The following GBE1 variants were observed in gnomAD, a reference collection of about 807,000 sequenced individuals.
GBE1 encodes the protein 1,4-alpha-glucan-branching enzyme.
GBE1 carries 70 observed loss-of-function variants against 88.8 expected under a neutral mutation model. The ratio of observed to expected loss-of-function variants is 0.79; its 90% confidence interval spans 0.65 to 0.96. The LOEUF (loss-of-function observed/expected upper bound fraction) is 0.96, where lower values mean the gene tolerates loss of function less well. Ranked by LOEUF, GBE1 falls within the 40% of genes least tolerant of loss-of-function variation. The probability of loss-of-function intolerance (pLI) is 0.00; values close to 1 mark genes in which losing one functional copy is unlikely to be tolerated. For missense variants in GBE1, 872 were observed against 871.0 expected, an observed-to-expected ratio of 1.00 and a Z score of -0.01; for synonymous variants, 284 against 300.1, an observed-to-expected ratio of 0.95 and a Z score of 0.56.
At chr3:81,740,294 T>G (rs1328282615) in intron 1 of GBE1, among the ~76,000 whole-genome samples, 4 of 151,634 alleles carry the variant, frequency 2.6e-5, no homozygotes, top group Admixed American at 2.6e-4. Flanking sequence ...TAATCTATTC[T>G]TTTCCACTTT....
At chr3:81,639,674 C>T (rs923562900) in intron 7 of GBE1, among the ~76,000 whole-genome samples, 1 of 152,126 alleles carries the variant, frequency 6.6e-6, no homozygotes, top group Non-Finnish European at 1.5e-5. Flanking sequence ...GTTCTAAACC[C>T]AGACCATATA....
chr3:81,594,397 C>A (rs930841469), intron 7 of GBE1, among the ~76,000 whole-genome samples: 3 of 151,998 alleles, frequency 2.0e-5, no homozygotes, highest in Middle Eastern at 6.3e-3. Flanking sequence ...AAATCTATTA[C>A]CAGTCCCTGA....
At chr3:81,620,241 G>A (rs1704306526) in intron 7 of GBE1, among the ~76,000 whole-genome samples, 1 of 150,456 alleles carries the variant, frequency 6.6e-6, no homozygotes, top group Non-Finnish European at 1.5e-5. Flanking sequence ...AGAGTGCAGT[G>A]GCACGATCTC....
intron 7 of GBE1, among the ~76,000 whole-genome samples, chr3:81,596,854 A>T (rs1006139407): frequency 6.6e-6 from 1 of 151,982 alleles, no homozygotes; most frequent in Non-Finnish European, 1.5e-5. Flanking sequence ...TAGATCACTG[A>T]ATCTAAGATT....
chr3:81,625,100 A>AG (rs111767127), intron 7 of GBE1, among the ~76,000 whole-genome samples: 3 of 11,434 alleles, frequency 2.6e-4, no homozygotes, highest in African/African-American at 5.0e-4. Context: ...AGGGAGGGGG[A>AG]GGGGGAGGGG....
At chr3:81,610,934 A>T (rs1704173827) in intron 7 of GBE1, among the ~76,000 whole-genome samples, 1 of 152,022 alleles carries the variant, frequency 6.6e-6, no homozygotes, top group South Asian at 2.1e-4. Flanking sequence ...TCATCTAGCG[A>T]CCTTCTTTTG....
Position 81,675,689 on chromosome 3 carries a change from C to T in GBE1, c.314-4736G>A, listed in dbSNP as rs555512482. Among the ~76,000 whole-genome samples the T allele has an allele frequency of 1.8e-4, 28 of 152,152 alleles. 1 individual carries two copies. The highest frequency in any genetic ancestry group is 6.0e-4 in the African/African-American group (25 of 41,540). On this transcript the variant is annotated intron_variant, in intron 2 of 15. Coordinates refer to ENST00000429644, the MANE Select transcript of GBE1 (RefSeq NM_000158.4). The stretch of plus-strand genomic sequence containing the variant: ...TTAACTCATATTCCTGTCTACTCTT[C>T]ATTATCTACCATAACCTAGATATTG...
intron 2 of GBE1, among the ~76,000 whole-genome samples, chr3:81,680,266 G>C (rs1035814083): frequency 1.3e-5 from 2 of 152,112 alleles, no homozygotes; most frequent in Non-Finnish European, 2.9e-5. Flanking sequence ...GGCCGAGGCG[G>C]GTGGATCATG....
intron 3 of GBE1, among the ~76,000 whole-genome samples, chr3:81,664,617 T>G (rs997843696): frequency 2.6e-5 from 4 of 152,202 alleles, no homozygotes; most frequent in Non-Finnish European, 5.9e-5. Flanking sequence ...AATTTTAAAA[T>G]GAGTTCATGT....
chr3:81,721,971 G>T (rs916365680), intron 1 of GBE1, among the ~76,000 whole-genome samples: 1 of 152,110 alleles, frequency 6.6e-6, no homozygotes, highest in African/African-American at 2.4e-5. Flanking sequence ...TTTACTAAGG[G>T]CACTCAGCAA....
chr3:81,555,656 T>C (rs752761503), intron 12 of GBE1, among the ~76,000 whole-genome samples: 2 of 152,168 alleles, frequency 1.3e-5, no homozygotes, highest in Non-Finnish European at 2.9e-5. Flanking sequence ...TGACATGTAA[T>C]AATCTGATCA....
At chr3:81,521,244 G>A (rs1257242602) in intron 14 of GBE1, among the ~76,000 whole-genome samples, 2 of 151,528 alleles carry the variant, frequency 1.3e-5, no homozygotes, top group Non-Finnish European at 3.0e-5. Flanking sequence ...GACAGAGGAA[G>A]TTTAAGTGGC....
At chr3:81,684,586 C>T (rs1705405453) in intron 2 of GBE1, among the ~76,000 whole-genome samples, 1 of 152,104 alleles carries the variant, frequency 6.6e-6, no homozygotes, top group African/African-American at 2.4e-5. Flanking sequence ...TCCCAAAGCC[C>T]CCGCCTGCAA....
intron 12 of GBE1, among the ~76,000 whole-genome samples, chr3:81,545,259 G>A (rs1194686463): frequency 6.6e-6 from 1 of 151,992 alleles, no homozygotes; most frequent in Non-Finnish European, 1.5e-5. Flanking sequence ...CACTGCCCCT[G>A]CTGCCTTTGA....
chr3:81,522,541 G>T (rs989525666), intron 14 of GBE1, among the ~76,000 whole-genome samples: 1 of 150,138 alleles, frequency 6.7e-6, no homozygotes, highest in Admixed American at 6.7e-5. Context: ...CTCCCTTCCT[G>T]CCCCCCCCAA....
intron 2 of GBE1, among the ~76,000 whole-genome samples, chr3:81,686,741 G>A (rs1487075053): frequency 6.6e-6 from 1 of 152,016 alleles, no homozygotes; most frequent in Admixed American, 6.6e-5. Context: ...GGCAACAAGA[G>A]CGAAACTCTG....
At chr3:81,741,374 T>C (rs1420977507) in intron 1 of GBE1, among the ~76,000 whole-genome samples, 1 of 152,134 alleles carries the variant, frequency 6.6e-6, no homozygotes, top group Non-Finnish European at 1.5e-5. Context: ...CAATAGAGCC[T>C]TGGTTGTATT....
intron 15 of GBE1, among the ~76,000 whole-genome samples, chr3:81,491,193 G>A (rs1702431888): frequency 6.6e-6 from 1 of 152,040 alleles, no homozygotes; most frequent in Non-Finnish European, 1.5e-5. Context: ...TTATCTCTTG[G>A]AAAAATCCCA....
chr3:81,671,832 CTT>C (rs1705195263), intron 2 of GBE1, among the ~76,000 whole-genome samples: 1 of 151,938 alleles, frequency 6.6e-6, no homozygotes, highest in Admixed American at 6.6e-5. Context: ...AAACTATAAA[CTT>C]GTCATCATAA....
Sources: gnomAD v4.1 joint callset for allele counts (sites outside exome capture counted in the v4.1 genomes callset) on GRCh38, gnomAD v4.1.1 for gene constraint, MANE v1.5 for transcripts, NCBI Gene and HGNC (gene_info 2026-07-23, HGNC 2026-07-21) for gene names.